The following ADCY5 variants were observed in gnomAD, a reference collection of about 807,000 sequenced individuals.
ADCY5 encodes the protein adenylate cyclase 5, also known as adenylate cyclase type 5.
Under a neutral mutation model 119.7 loss-of-function variants are expected in ADCY5, and 30 were observed. That is an observed-to-expected ratio of 0.25 (90% CI 0.19 to 0.34). The LOEUF (loss-of-function observed/expected upper bound fraction) is 0.34. Among genes scored for constraint, ADCY5 ranks in the 10% least tolerant of loss-of-function variants. The pLI is 1.00. For missense variants in ADCY5, 1,324 were observed against 1,775.2 expected (o/e 0.75, Z 4.57); for synonymous variants, 753 against 762.2 (o/e 0.99, Z 0.20).
intron 1 of ADCY5, among the ~76,000 whole-genome samples, chr3:123,372,217 C>T (rs1943667205): frequency 6.6e-6 from 1 of 152,120 alleles, no homozygotes; most frequent in South Asian, 2.1e-4. Flanking sequence ...TGCTCGTAAT[C>T]CTAGCTGCCA....
rs565737440 is a variant in ADCY5 at position 123,299,099 on chromosome 3, GATTC to G, written c.2900+1017_2900+1020del. On this transcript the variant is annotated intron_variant, in intron 15 of 20. Transcript: ENST00000462833. ...TAATCTATTGACATGAAAAAATGCT[GATTC>G]ATTTCTGAATCATGAAGTTGTACCG... 2.0e-4 allele frequency among the ~76,000 whole-genome samples: 30 copies of G among 152,224 alleles called. No homozygotes were observed. The East Asian group carries it at 4.6e-3, about 24-fold the overall frequency.
intron 1 of ADCY5, among the ~76,000 whole-genome samples, chr3:123,401,939 C>T (rs1402360252): frequency 6.6e-6 from 1 of 152,224 alleles, no homozygotes; most frequent in Non-Finnish European, 1.5e-5. Flanking sequence ...GTGCACAGGT[C>T]ATACCTCAGA....
At chr3:123,297,709 G>C (rs1348658231) in intron 15 of ADCY5, among the ~76,000 whole-genome samples, 1 of 152,340 alleles carries the variant, frequency 6.6e-6, no homozygotes. Flanking sequence ...AGAGGGCGTG[G>C]AGGAGAGATC....
chr3:123,290,032 G>A (rs1451216117), intron 18 of ADCY5, 78 bp from the exon 19 acceptor site: 7 of 1,436,480 alleles, frequency 4.9e-6, no homozygotes, highest in Non-Finnish European at 5.8e-6. Flanking sequence ...AGGATGTCCA[G>A]GGAAGTGCAG....
At chr3:123,341,844 T>G (rs1942295800) in intron 3 of ADCY5, among the ~76,000 whole-genome samples, 1 of 152,030 alleles carries the variant, frequency 6.6e-6, no homozygotes, top group Admixed American at 6.5e-5. Context: ...TAGTAGCAGC[T>G]CAGTAAATGT....
rs1942945823 is a variant in ADCY5, at chr3:123,353,904, C to CTAGAA, written c.1135-1324_1135-1323insTTCTA. Among the ~76,000 whole-genome samples the CTAGAA allele has an allele frequency of 4.6e-5, 7 of 152,280 alleles. No individual in the cohort carries two copies. In the South Asian group the frequency reaches 1.5e-3, roughly 32 times the overall value. Reference sequence around the variant, plus strand: ...GAGACATCCCATGGTGTGTGTGCCCCGGTCCATGAAGACTTTCTCTTTCCT... The same window carrying CTAGAA: ...GAGACATCCCATGGTGTGTGTGCCCCTAGAAGGTCCATGAAGACTTTCTCTTTCCT... On this transcript the variant is annotated intron_variant, in intron 1 of 20. Transcript: ENST00000462833.
Position 123,399,998 on chromosome 3 carries a change from T to G in ADCY5, c.1134+47414A>C, listed in dbSNP as rs372734508. 2.6e-5 allele frequency among the ~76,000 whole-genome samples: 4 copies of G among 152,238 alleles called. No individual in the cohort carries two copies. In the East Asian group the frequency reaches 7.7e-4, roughly 29 times the overall value. On this transcript the variant is annotated intron_variant, in intron 1 of 20. Coordinates refer to ENST00000462833, the MANE Select transcript of ADCY5 (RefSeq NM_183357.3). The stretch of plus-strand genomic sequence containing the variant: ...CCCTGGACCCCTGGCCACTTTCCAT[T>G]CCACGCATGCAGTAAGCACAATGAA...
At chr3:123,391,405 G>A (rs1944397847) in intron 1 of ADCY5, among the ~76,000 whole-genome samples, 1 of 152,106 alleles carries the variant, frequency 6.6e-6, no homozygotes. Context: ...ACAAAACAGA[G>A]TGAAAGATCA....
At chr3:123,421,727 C>T (rs1269953659) in intron 1 of ADCY5, among the ~76,000 whole-genome samples, 1 of 152,194 alleles carries the variant, frequency 6.6e-6, no homozygotes, top group South Asian at 2.1e-4. Flanking sequence ...CCCCACTGGC[C>T]TCCCAGGCAG....
intron 1 of ADCY5, among the ~76,000 whole-genome samples, chr3:123,435,952 G>A (rs568312485): frequency 6.7e-6 from 1 of 149,880 alleles, no homozygotes; most frequent in African/African-American, 2.4e-5. Context: ...GTGCAGTGGT[G>A]CTATCTCAGC....
intron 1 of ADCY5, among the ~76,000 whole-genome samples, chr3:123,383,842 A>G (rs1944118073): frequency 6.7e-6 from 1 of 149,006 alleles, no homozygotes; most frequent in East Asian, 2.0e-4. Flanking sequence ...ACACACACAC[A>G]CTTCCTCAAG....
chr3:123,359,331 A>AATATATATACATATATATAT (rs1943155242), intron 1 of ADCY5, among the ~76,000 whole-genome samples: 1 of 109,766 alleles, frequency 9.1e-6, no homozygotes, highest in African/African-American at 3.7e-5. Context: ...CTTATACTAA[A>AATATATATACATATATATAT]ATATATATAT....
chr3:123,353,441 G>A (rs899640981), intron 1 of ADCY5, among the ~76,000 whole-genome samples: 1 of 152,212 alleles, frequency 6.6e-6, no homozygotes, highest in Non-Finnish European at 1.5e-5. Flanking sequence ...CTGGATATCT[G>A]AGTACATGGG....
chr3:123,362,268 C>T (rs543638348), intron 1 of ADCY5, among the ~76,000 whole-genome samples: 1 of 152,314 alleles, frequency 6.6e-6, no homozygotes, highest in South Asian at 2.1e-4. Context: ...ACCTTACATC[C>T]CCGCCAACAT....
chr3:123,348,102 C>T (rs986785469), intron 2 of ADCY5, among the ~76,000 whole-genome samples, 199 bp from the exon 3 acceptor site: 2 of 90,278 alleles, frequency 2.2e-5, no homozygotes, highest in African/African-American at 9.0e-5. Flanking sequence ...GGATACCTGT[C>T]CCCCATCTCC....
chr3:123,425,484 G>C (rs540988519), intron 1 of ADCY5, among the ~76,000 whole-genome samples: 1 of 152,208 alleles, frequency 6.6e-6, no homozygotes, highest in Non-Finnish European at 1.5e-5. Context: ...CACTGCATGT[G>C]TGCATGTCTT....
chr3:123,327,789 G>C, intron 6 of ADCY5, 30 bp from the exon 7 acceptor site: 1 of 1,610,920 alleles, frequency 6.2e-7, no homozygotes, highest in Non-Finnish European at 8.5e-7. Flanking sequence ...AGGGTGGAGA[G>C]GGCAGAAAAC....
Position 123,447,444 on chromosome 3 carries a change from T to C in ADCY5, c.1102A>G (p.Thr368Ala). Residue 368 changes from threonine (T) to alanine (A), a missense_variant, in exon 1 of 21, where the codon ACC becomes GCC. Thr to Ala is a moderately conservative substitution (Grantham distance 58). This residue lies in a region of ADCY5 where 585 missense variants were observed against 569.9 expected (regional missense o/e 1.03). Coordinates refer to ENST00000462833, the MANE Select transcript of ADCY5 (RefSeq NM_183357.3). ...SALHLAIALR[T>A]NAQDQFLLKQ... ...AGCAGGAACTGGTCCTGGGCGTTGG[T>C]GCGCAGGGCGATGGCCAGGTGGAGG... is the stretch of plus-strand genomic sequence containing the variant. 1 of 1,603,684 alleles carries C rather than the reference T, an allele frequency of 6.2e-7. No homozygotes were observed. Among genetic ancestry groups the C allele is most frequent in the Non-Finnish European group, 8.5e-7 (1 of 1,174,408 alleles).
intron 7 of ADCY5, among the ~76,000 whole-genome samples, chr3:123,326,556 G>C (rs747994391): frequency 6.6e-6 from 1 of 152,194 alleles, no homozygotes; most frequent in Non-Finnish European, 1.5e-5. Flanking sequence ...TTGTGACCCA[G>C]GCACTGAGAG....
Sources: allele counts gnomAD v4.1 joint callset (sites outside exome capture counted in the v4.1 genomes callset), GRCh38; gene constraint gnomAD v4.1.1; regional missense constraint gnomAD v4.1.1; transcripts MANE v1.5; gene names NCBI Gene and HGNC (gene_info 2026-07-23, HGNC 2026-07-21).